The following NBEA variants were observed in gnomAD, a reference collection of about 807,000 sequenced individuals.
NBEA encodes the protein neurobeachin.
A neutral mutation model predicts 343.4 loss-of-function variants in NBEA; 44 were observed. The observed-to-expected ratio is 0.13, with a 90% CI of 0.10 to 0.16. The LOEUF is 0.16. Ranked by LOEUF, NBEA falls within the 10% of genes least tolerant of loss-of-function variation. The pLI, the probability that NBEA is intolerant of heterozygous loss-of-function variation, is 1.00. For synonymous variants in NBEA, 1,175 were observed against 1,238.7 expected (o/e 0.95, Z 1.08); for missense variants, 2,555 against 3,631.3 (o/e 0.70, Z 7.62).
intron 34 of NBEA, among the ~76,000 whole-genome samples, chr13:35,233,305 T>A (rs557319232): frequency 4.8e-4 from 73 of 152,268 alleles, no homozygotes; most frequent in African/African-American, 1.7e-3. Flanking sequence ...TTTAGCATCC[T>A]TGTATATCTT....
intron 34 of NBEA, among the ~76,000 whole-genome samples, chr13:35,285,855 A>G (rs1394172117): frequency 6.6e-6 from 1 of 151,922 alleles, no homozygotes; most frequent in Non-Finnish European, 1.5e-5. Flanking sequence ...CTTCCTGCCT[A>G]CCTCTCTGTC....
intron 38 of NBEA, among the ~76,000 whole-genome samples, chr13:35,399,760 C>G (rs2042910652): frequency 6.6e-6 from 1 of 152,094 alleles, no homozygotes; most frequent in Non-Finnish European, 1.5e-5. Context: ...ACATGTCTTC[C>G]TCACTAAGCT....
intron 1 of NBEA, among the ~76,000 whole-genome samples, chr13:34,971,368 A>G (rs891453036): frequency 6.6e-6 from 1 of 151,626 alleles, no homozygotes; most frequent in Non-Finnish European, 1.5e-5. Context: ...CCCTTTATTT[A>G]TCTCTCTTGC....
chr13:35,161,028 T>C (rs979716843), intron 22 of NBEA, among the ~76,000 whole-genome samples: 1 of 152,180 alleles, frequency 6.6e-6, no homozygotes, highest in Non-Finnish European at 1.5e-5. Flanking sequence ...CTTCATAATA[T>C]ATCGTGTGTG....
chr13:35,477,366 T>C (rs148949044), intron 41 of NBEA, among the ~76,000 whole-genome samples: 22 of 152,316 alleles, frequency 1.4e-4, no homozygotes, highest in Non-Finnish European at 2.9e-4. Context: ...CTGTTTAAGT[T>C]AGGATATTTA....
At chr13:35,296,519 T>A (rs2036142826) in intron 35 of NBEA, among the ~76,000 whole-genome samples, 1 of 152,090 alleles carries the variant, frequency 6.6e-6, no homozygotes, top group Admixed American at 6.6e-5. Flanking sequence ...GAGTGTTTAA[T>A]GTCTGTGACA....
chr13:35,345,298 T>C (rs1469772041), intron 36 of NBEA, among the ~76,000 whole-genome samples: 1 of 152,124 alleles, frequency 6.6e-6, no homozygotes, highest in Non-Finnish European at 1.5e-5. Context: ...TGCAGCTTTA[T>C]TTATAAAACT....
At chr13:35,338,602 C>T (rs1011082404) in intron 36 of NBEA, among the ~76,000 whole-genome samples, 2 of 152,022 alleles carry the variant, frequency 1.3e-5, no homozygotes, top group Admixed American at 6.6e-5. Context: ...GAAACACTAA[C>T]TCATTTTATG....
intron 49 of NBEA, among the ~76,000 whole-genome samples, chr13:35,639,737 T>G (rs368601711): frequency 5.9e-5 from 9 of 152,250 alleles, no homozygotes; most frequent in East Asian, 3.9e-4. Context: ...TTACTGGTAT[T>G]TGGACGTAGT....
chr13:35,056,220 G>A, intron 7 of NBEA, 91 bp downstream of exon 7: 1 of 1,110,024 alleles, frequency 9.0e-7, no homozygotes, highest in East Asian at 3.2e-5. Flanking sequence ...TAGTTTGGTA[G>A]AAGCTTAAAA....
chr13:35,352,396 A>C, intron 38 of NBEA, 73 bp downstream of exon 38: 1 of 803,202 alleles, frequency 1.2e-6, no homozygotes, highest in South Asian at 5.2e-5. Flanking sequence ...AAATATGGCT[A>C]CAAATTTAAA....
chr13:35,541,617 C>A (rs1022707613), intron 41 of NBEA, among the ~76,000 whole-genome samples: 1 of 151,866 alleles, frequency 6.6e-6, no homozygotes, highest in African/African-American at 2.4e-5. Context: ...ACTAAAGAAA[C>A]AATAAATGTG....
At chr13:34,974,183 T>G (rs983696482) in intron 1 of NBEA, among the ~76,000 whole-genome samples, 5 of 152,272 alleles carry the variant, frequency 3.3e-5, no homozygotes, top group Non-Finnish European at 7.4e-5. Context: ...TCTTTATGGG[T>G]TGAGTTGCTT....
intron 10 of NBEA, among the ~76,000 whole-genome samples, chr13:35,088,664 T>TA (rs904489854): frequency 4.6e-5 from 7 of 151,682 alleles, no homozygotes; most frequent in Admixed American, 4.0e-4. Context: ...AAACTTTTTT[T>TA]AAAAAAAATC....
chr13:35,175,722 C>CT (rs555756169), intron 27 of NBEA, among the ~76,000 whole-genome samples: 4 of 151,142 alleles, frequency 2.6e-5, no homozygotes, highest in South Asian at 4.2e-4. Context: ...AGTGGTGTTT[C>CT]TTTTTTTTTC....
At chr13:35,352,482 C>A (rs2040246341) in intron 38 of NBEA, among the ~76,000 whole-genome samples, 159 bp downstream of exon 38, 1 of 151,948 alleles carries the variant, frequency 6.6e-6, no homozygotes, top group Admixed American at 6.6e-5. Flanking sequence ...AATTCTTCAT[C>A]AGAAGAGTTT....
chr13:35,646,297 A>G lies in NBEA; in HGVS notation c.7719A>G (p.Pro2573=). The change falls in exon 51 of 59, where the codon CCA becomes CCG. Residue 2573 remains proline, a synonymous_variant. Transcript: ENST00000379939. ...AGATACAGAACTTTGGACAGACGCC[A>G]TCTCAGTTGCTTATTGAGCCACATC... is the stretch of plus-strand genomic sequence containing the variant. The part of the protein sequence containing the change: ...EAQIQNFGQT[P]SQLLIEPHPP... The G allele has an allele frequency of 1.2e-6, 2 of 1,613,874 alleles. No individual in the cohort carries two copies. The highest frequency in any genetic ancestry group is 1.7e-6 in the Non-Finnish European group (2 of 1,179,844).
chr13:34,982,900 A>G (rs1306342026), intron 1 of NBEA, among the ~76,000 whole-genome samples: 1 of 151,648 alleles, frequency 6.6e-6, no homozygotes, highest in Non-Finnish European at 1.5e-5. Flanking sequence ...TGATTGTGGA[A>G]TTTTCTTTCT....
At chr13:35,649,593 C>A in intron 51 of NBEA, 62 bp from the exon 52 acceptor site, 1 of 1,392,902 alleles carries the variant, frequency 7.2e-7, no homozygotes, top group Non-Finnish European at 1.0e-6. Flanking sequence ...TCTCCCTAGA[C>A]CTTTCACTAA....
Sources: gnomAD v4.1 joint callset for allele counts (sites outside exome capture counted in the v4.1 genomes callset) on GRCh38, gnomAD v4.1.1 for gene constraint, MANE v1.5 for transcripts, NCBI Gene and HGNC (gene_info 2026-07-23, HGNC 2026-07-21) for gene names.